Variants in GALR1 observed in about 807,000 individuals in gnomAD.
GALR1 encodes galanin receptor type 1.
Under a neutral mutation model 17.9 loss-of-function variants are expected in GALR1, and 11 were observed. The observed-to-expected ratio is 0.62, with a 90% CI of 0.39 to 1.02. The LOEUF (loss-of-function observed/expected upper bound fraction) is 1.02, where lower values mean the gene tolerates loss of function less well. GALR1 is among the 50% of genes least tolerant of loss of function. GALR1 has a pLI of 0.01. For synonymous variants in GALR1, 206 were observed against 205.7 expected (o/e 1.00, Z -0.01); for missense variants, 441 against 456.9 (o/e 0.97, Z 0.32).
chr18:77,267,125 G>T (rs1912959470), intron 2 of GALR1, among the ~76,000 whole-genome samples: 1 of 152,264 alleles, frequency 6.6e-6, no homozygotes, highest in Non-Finnish European at 1.5e-5. Flanking sequence ...GAAAGCTGAA[G>T]CCATCGAACA....
At chr18:77,257,850 C>T (rs1912626380) in intron 2 of GALR1, among the ~76,000 whole-genome samples, 1 of 152,192 alleles carries the variant, frequency 6.6e-6, no homozygotes, top group Non-Finnish European at 1.5e-5. Flanking sequence ...ATTAATTTCC[C>T]TTGGGAGGGA....
rs770079949 is a variant in GALR1 at position 77,272,228 on chromosome 18, T to C, written c.*3326T>C. 1 of 152,246 alleles carries C rather than the reference T, an allele frequency of 6.6e-6. No individual in the cohort carries two copies. The highest frequency in any genetic ancestry group is 1.5e-5 in the Non-Finnish European group (1 of 68,048). The allele number at this position is 152,246 out of a possible 1,614,324, so 9.4% of individuals were successfully genotyped here. On this transcript the variant is annotated 3_prime_UTR_variant, in exon 3 of 3. Transcript: ENST00000299727. The stretch of plus-strand genomic sequence containing the variant: ...GATGCTTAAGGAACTGCATGAGTCA[T>C]GCAAGGCTCAGAACTTCTTGTGGCT...
chr18:77,268,884 C>G lies in GALR1; in HGVS notation c.1032C>G (p.Thr344=). ...GTCGAATAGACACCCCACCATCAAC[C>G]AATTGTACTCATGTGTGATAAAAGA... ...SKSRIDTPPS[T]NCTHV Residue 344 remains threonine, a synonymous_variant, in exon 3 of 3, where the codon ACC becomes ACG. Coordinates refer to ENST00000299727, the MANE Select transcript of GALR1 (RefSeq NM_001480.4). The G allele has an allele frequency of 6.2e-7, 1 of 1,610,608 alleles. No homozygotes were observed.
Position 77,250,951 on chromosome 18 carries a change from G to C in GALR1, c.403G>C (p.Val135Leu), listed in dbSNP as rs1428634234. Residue 135 changes from valine to leucine, a missense_variant, in exon 1 of 3, where the codon GTG (valine) becomes CTG (leucine). Transcript: ENST00000299727. ...TLAAMSVDRYVAIVHSRRSSS... is the reference protein window; with the variant it reads ...TLAAMSVDRYLAIVHSRRSSS... Reference sequence around the variant, plus strand: ...GGCCGCGATGTCCGTGGACCGCTACGTGGCCATCGTGCACTCGCGGCGCTC... The same window carrying C: ...GGCCGCGATGTCCGTGGACCGCTACCTGGCCATCGTGCACTCGCGGCGCTC... 1 of 1,604,098 alleles carries C rather than the reference G, an allele frequency of 6.2e-7. No individual in the cohort carries two copies. The highest frequency in any genetic ancestry group is 8.5e-7 in the Non-Finnish European group (1 of 1,179,968).
At chr18:77,261,469 G>A (rs1050010139) in intron 2 of GALR1, among the ~76,000 whole-genome samples, 4 of 152,230 alleles carry the variant, frequency 2.6e-5, no homozygotes, top group Non-Finnish European at 5.9e-5. Context: ...CTTTCTCTGC[G>A]CTGTATCCAC....
intron 2 of GALR1, among the ~76,000 whole-genome samples, chr18:77,267,571 G>C (rs1912970113): frequency 6.6e-6 from 1 of 152,214 alleles, no homozygotes; most frequent in African/African-American, 2.4e-5. Flanking sequence ...TGGGTTTTGA[G>C]CTGCACTTGT....
chr18:77,258,866 ATGGTGGTGATGATGGTGGTCATAGTGG>A (rs1912705264), intron 2 of GALR1, among the ~76,000 whole-genome samples: 1 of 79,556 alleles, frequency 1.3e-5, no homozygotes, highest in Non-Finnish European at 2.6e-5. Flanking sequence ...GGTGGTGGTG[ATGGTGGTGATGATGGTGGTCATAGTGG>A]TGATGGTGGT....
At chr18:77,258,766 T>G (rs1230354828) in intron 2 of GALR1, among the ~76,000 whole-genome samples, 2 of 78,922 alleles carry the variant, frequency 2.5e-5, no homozygotes, top group African/African-American at 5.1e-5. Flanking sequence ...TGATGGCAAT[T>G]GTGATAGTGA....
intron 1 of GALR1, among the ~76,000 whole-genome samples, chr18:77,253,001 CCACCACCACCACCACCACCACCAT>C (rs1568139259): frequency 3.0e-4 from 17 of 55,894 alleles, no homozygotes; most frequent in African/African-American, 5.2e-4. Context: ...ACCACCACCA[CCACCACCACCACCACCACCACCAT>C]CACCACCATC....
chr18:77,250,151 G>A lies in GALR1; in HGVS notation c.-398G>A, dbSNP rs1245861392. On this transcript the variant is annotated 5_prime_UTR_variant, in exon 1 of 3. Coordinates refer to ENST00000299727, the MANE Select transcript of GALR1 (RefSeq NM_001480.4). ...GCCCCTCCGGGAGCCAGGGAAAACC[G>A]CCGGCGAAGATCTGGAGCGGTAAGG... Among the ~76,000 whole-genome samples, 1 of 152,190 alleles carries A rather than the reference G, an allele frequency of 6.6e-6. No homozygotes were observed. The highest frequency in any genetic ancestry group is 1.5e-5 in the Non-Finnish European group (1 of 68,032).
At position 77,275,441 on chromosome 18, in the gene GALR1, G is replaced by C. The variant is rs1913137841; in HGVS notation, c.*6539G>C. 4 of 152,218 alleles carry C rather than the reference G, an allele frequency of 2.6e-5. No homozygotes were observed. Among genetic ancestry groups the C allele is most frequent in the Admixed American group, 6.5e-5 (1 of 15,274 alleles). The allele number at this position is 152,218 out of a possible 1,614,324, so 9.4% of individuals were successfully genotyped here. ...GTGAATGGAGTTTCTGTCATTCCTG[G>C]TCTAGAGTTCATGTGTGAAGGTCAA... On this transcript the variant is annotated 3_prime_UTR_variant, in exon 3 of 3. Transcript: ENST00000299727.
In GALR1 at chr18:77,275,491, A is replaced by G. The variant is rs533861436; in HGVS notation, c.*6589A>G. ...AATATAGGTGGGGACTTGGCAGCAC[A>G]CAACTCTGAGTGAAAGACACGATCA... On this transcript the variant is annotated 3_prime_UTR_variant, in exon 3 of 3. Coordinates refer to ENST00000299727, the MANE Select transcript of GALR1 (RefSeq NM_001480.4). 1 of 152,388 alleles carries G rather than the reference A, an allele frequency of 6.6e-6. No individual in the cohort carries two copies. The highest frequency in any genetic ancestry group is 2.4e-5 in the African/African-American group (1 of 41,590). The allele number at this position is 152,388 out of a possible 1,614,324, so 9.4% of individuals were successfully genotyped here.
At chr18:77,251,766 G>A (rs1020529759) in intron 1 of GALR1, among the ~76,000 whole-genome samples, 1 of 152,174 alleles carries the variant, frequency 6.6e-6, no homozygotes, top group South Asian at 2.1e-4. Flanking sequence ...GGGGACTCGC[G>A]GGGCGGCCCC....
At chr18:77,261,707 A>AG (rs1912833605) in intron 2 of GALR1, among the ~76,000 whole-genome samples, 1 of 152,234 alleles carries the variant, frequency 6.6e-6, no homozygotes, top group Admixed American at 6.5e-5. Flanking sequence ...CTTCAGCCTT[A>AG]GGGGTTGATA....
Position 77,250,447 on chromosome 18 carries a change from C to T in GALR1, c.-102C>T. On this transcript the variant is annotated 5_prime_UTR_variant, in exon 1 of 3. Coordinates refer to ENST00000299727, the MANE Select transcript of GALR1 (RefSeq NM_001480.4). ...GGAAGCTCAGACTCCTAAACTCGCACTCTCCGTGCTTTGCGCCGGGACCCC... is the reference window on the plus strand; with the variant it reads ...GGAAGCTCAGACTCCTAAACTCGCATTCTCCGTGCTTTGCGCCGGGACCCC... 8.0e-7 allele frequency: 1 copy of T among 1,246,034 alleles called. No individual in the cohort carries two copies. The highest frequency in any genetic ancestry group is 1.1e-6 in the Non-Finnish European group (1 of 949,578). 77.2% of individuals were successfully genotyped at this position (1,246,034 alleles called of 1,614,324 possible). A position where few individuals can be genotyped will look rare whatever the true frequency, so the allele number is the denominator to read the frequency against.
At chr18:77,254,647 C>T (rs191663225) in intron 1 of GALR1, among the ~76,000 whole-genome samples, 2 of 152,344 alleles carry the variant, frequency 1.3e-5, no homozygotes, top group African/African-American at 2.4e-5. Context: ...TCCTCTTGGG[C>T]AGGGTCCTGC....
In GALR1 at chr18:77,272,004, T is replaced by C. The variant is rs952238727; in HGVS notation, c.*3102T>C. 2 of 152,262 alleles carry C rather than the reference T, an allele frequency of 1.3e-5. No individual in the cohort carries two copies. Among genetic ancestry groups the C allele is most frequent in the African/African-American group, 4.8e-5 (2 of 41,472 alleles). The allele number at this position is 152,262 out of a possible 1,614,324, so 9.4% of individuals were successfully genotyped here. On this transcript the variant is annotated 3_prime_UTR_variant, in exon 3 of 3. Coordinates refer to ENST00000299727, the MANE Select transcript of GALR1 (RefSeq NM_001480.4). ...GACTGAGGCCATTTTCTGAATACTT[T>C]AGGTAAATTACTTTTGCTTTTAACT... is the stretch of plus-strand genomic sequence containing the variant.
chr18:77,251,525 C>T (rs957540267), intron 1 of GALR1, among the ~76,000 whole-genome samples: 11 of 152,236 alleles, frequency 7.2e-5, no homozygotes, highest in African/African-American at 2.7e-4. Flanking sequence ...GGCCCTTCAA[C>T]GCCCCCAGGT....
chr18:77,267,177 C>G (rs911511238), intron 2 of GALR1, among the ~76,000 whole-genome samples: 6 of 152,238 alleles, frequency 3.9e-5, no homozygotes, highest in Non-Finnish European at 7.3e-5. Context: ...CGCCAGGGAA[C>G]TGAGATGGAG....
Sources: allele counts gnomAD v4.1 joint callset (sites outside exome capture counted in the v4.1 genomes callset), GRCh38; gene constraint gnomAD v4.1.1; transcripts MANE v1.5; gene names NCBI Gene and HGNC (gene_info 2026-07-23, HGNC 2026-07-21).